The following SYT9 variants were observed in gnomAD, a reference collection of about 807,000 sequenced individuals.
SYT9 encodes the protein synaptotagmin-9.
Under a neutral mutation model 48.4 loss-of-function variants are expected in SYT9, and 22 were observed. That is an observed-to-expected ratio of 0.45 (90% CI 0.32 to 0.65). SYT9 has a LOEUF of 0.65. SYT9 is among the 30% of genes least tolerant of loss of function. The pLI, the probability that SYT9 is intolerant of heterozygous loss-of-function variation, is 0.03. For synonymous variants in SYT9, 265 were observed against 245.0 expected (o/e 1.08, Z -0.76); for missense variants, 577 against 622.0 (o/e 0.93, Z 0.77).
intron 6 of SYT9, among the ~76,000 whole-genome samples, chr11:7,432,107 AT>A (rs745446545): frequency 5.9e-5 from 9 of 152,194 alleles, no homozygotes; most frequent in Non-Finnish European, 1.2e-4. Context: ...AGCCACAGGT[AT>A]TCAACCCTAG....
chr11:7,338,293 A>G (rs1263857967), intron 3 of SYT9, among the ~76,000 whole-genome samples: 1 of 152,076 alleles, frequency 6.6e-6, no homozygotes, highest in Non-Finnish European at 1.5e-5. Context: ...TAGCTTTTTC[A>G]AAGAACAAGC....
chr11:7,270,355 G>C (rs902771040), intron 1 of SYT9, among the ~76,000 whole-genome samples: 4 of 152,140 alleles, frequency 2.6e-5, no homozygotes, highest in African/African-American at 7.2e-5. Flanking sequence ...GACAGATTCA[G>C]CTAGATTACC....
intron 6 of SYT9, among the ~76,000 whole-genome samples, chr11:7,442,473 C>T (rs912964853): frequency 1.2e-4 from 18 of 152,204 alleles, no homozygotes; most frequent in African/African-American, 4.1e-4. Flanking sequence ...GCACAGGACT[C>T]GTGCTGCCAA....
chr11:7,401,057 A>G (rs1846880644), intron 3 of SYT9, among the ~76,000 whole-genome samples: 1 of 152,074 alleles, frequency 6.6e-6, no homozygotes, highest in African/African-American at 2.4e-5. Context: ...AGTGATTATC[A>G]GTAACGTAAA....
At position 7,466,999 on chromosome 11, in the gene SYT9, C is replaced by T; in HGVS notation, c.*199C>T. On this transcript the variant is annotated 3_prime_UTR_variant, in exon 7 of 7. Coordinates refer to ENST00000318881, the MANE Select transcript of SYT9 (RefSeq NM_175733.4). The stretch of plus-strand genomic sequence containing the variant: ...GGTCCAGCCACCTTCTGCAGGTGGC[C>T]CAAGGTGATGTGCTGCAGGGAAGCA... 1.6e-6 allele frequency: 1 copy of T among 618,716 alleles called. No homozygotes were observed. The highest frequency in any genetic ancestry group is 2.9e-6 in the Non-Finnish European group (1 of 347,604). 38.3% of individuals were successfully genotyped at this position (618,716 alleles called of 1,614,324 possible). A position where few individuals can be genotyped will look rare whatever the true frequency, so the allele number is the denominator to read the frequency against.
chr11:7,455,334 ATT>A (rs34629945), intron 6 of SYT9, among the ~76,000 whole-genome samples: 6,765 of 136,456 alleles, frequency 0.05, 467 homozygotes, highest in African/African-American at 0.17. Context: ...TGTTTAAGCT[ATT>A]TTTTTTTTTT....
At chr11:7,307,968 C>T (rs1279022462) in intron 2 of SYT9, among the ~76,000 whole-genome samples, 2 of 152,194 alleles carry the variant, frequency 1.3e-5, no homozygotes, top group African/African-American at 2.4e-5. Flanking sequence ...ATGCCTGTCT[C>T]GTCATTATCT....
chr11:7,255,891 G>A (rs139025693), intron 1 of SYT9, among the ~76,000 whole-genome samples: 12 of 152,284 alleles, frequency 7.9e-5, no homozygotes, highest in East Asian at 5.8e-4. Context: ...CTCTATGCTC[G>A]TATTTTTTAA....
At chr11:7,419,764 G>A (rs1348576292) in intron 5 of SYT9, among the ~76,000 whole-genome samples, 1 of 152,142 alleles carries the variant, frequency 6.6e-6, no homozygotes, top group Non-Finnish European at 1.5e-5. Flanking sequence ...AGGCATGGTG[G>A]CATGCACCTG....
intron 1 of SYT9, among the ~76,000 whole-genome samples, chr11:7,242,153 C>T (rs1163977929): frequency 1.3e-5 from 2 of 152,202 alleles, no homozygotes; most frequent in East Asian, 3.8e-4. Context: ...CTGGAAAGAC[C>T]ACATGGGGCT....
At chr11:7,373,183 G>GTTTTGT (rs138936525) in intron 3 of SYT9, among the ~76,000 whole-genome samples, 4,505 of 151,998 alleles carry the variant, frequency 0.03, 239 homozygotes, top group African/African-American at 0.1. Context: ...TTGACCTATA[G>GTTTTGT]TTTTGTTTGC....
At chr11:7,384,611 CCTT>C (rs992975450) in intron 3 of SYT9, among the ~76,000 whole-genome samples, 4 of 152,284 alleles carry the variant, frequency 2.6e-5, no homozygotes, top group African/African-American at 7.2e-5. Context: ...ACTGAAGTAA[CCTT>C]CTAACTGATG....
At chr11:7,388,526 C>G (rs1292849424) in intron 3 of SYT9, among the ~76,000 whole-genome samples, 1 of 151,874 alleles carries the variant, frequency 6.6e-6, no homozygotes, top group Admixed American at 6.6e-5. Flanking sequence ...CTTCATTCTA[C>G]TTAATTTGTT....
intron 6 of SYT9, among the ~76,000 whole-genome samples, chr11:7,446,278 T>G (rs1460310137): frequency 6.6e-6 from 1 of 152,238 alleles, no homozygotes; most frequent in African/African-American, 2.4e-5. Context: ...AGATTAATTT[T>G]TAACCTCCTC....
intron 1 of SYT9, among the ~76,000 whole-genome samples, chr11:7,280,373 G>A (rs4486603): frequency 0.25 from 38,775 of 152,232 alleles, 5,923 homozygotes; most frequent in South Asian, 0.39. Context: ...AATGACACAT[G>A]TCAGAACTTC....
chr11:7,326,468 A>C (rs1423622757), intron 3 of SYT9, among the ~76,000 whole-genome samples: 10 of 141,134 alleles, frequency 7.1e-5, no homozygotes, highest in East Asian at 4.5e-4. Flanking sequence ...TATCCCCTTT[A>C]TCATTTTTTA....
At chr11:7,283,141 G>GTT (rs1848532084) in intron 1 of SYT9, among the ~76,000 whole-genome samples, 1 of 136,972 alleles carries the variant, frequency 7.3e-6, no homozygotes, top group Non-Finnish European at 1.6e-5. Context: ...ATATATGTAT[G>GTT]TGTGTGTATA....
intron 3 of SYT9, among the ~76,000 whole-genome samples, chr11:7,352,514 A>G (rs1849936895): frequency 6.6e-6 from 1 of 152,212 alleles, no homozygotes; most frequent in Admixed American, 6.5e-5. Flanking sequence ...AAAGTTCAGA[A>G]ATATATGATG....
At chr11:7,379,215 C>T (rs1392604369) in intron 3 of SYT9, among the ~76,000 whole-genome samples, 3 of 152,090 alleles carry the variant, frequency 2.0e-5, no homozygotes, top group Non-Finnish European at 4.4e-5. Context: ...GACATGCTCC[C>T]TGGGGAAATA....
Sources: allele counts gnomAD v4.1 joint callset (sites outside exome capture counted in the v4.1 genomes callset), GRCh38; gene constraint gnomAD v4.1.1; transcripts MANE v1.5; gene names NCBI Gene and HGNC (gene_info 2026-07-23, HGNC 2026-07-21).